The following RPIA variants were observed in gnomAD, a reference collection of about 807,000 sequenced individuals.
RPIA encodes the protein ribose 5-phosphate isomerase A, also known as ribose-5-phosphate isomerase.
In RPIA, 29 loss-of-function variants were observed where a neutral mutation model predicts 37.8. The ratio of observed to expected loss-of-function variants is 0.77; its 90% confidence interval spans 0.57 to 1.05. The LOEUF (loss-of-function observed/expected upper bound fraction) is 1.05, where lower values mean the gene tolerates loss of function less well. Ranked by LOEUF, RPIA falls within the 50% of genes least tolerant of loss-of-function variation. The probability of loss-of-function intolerance (pLI) is 0.00; values close to 1 mark genes in which losing one functional copy is unlikely to be tolerated. For synonymous variants in RPIA, 167 were observed against 157.0 expected (o/e 1.06, Z -0.48); for missense variants, 385 against 413.6 (o/e 0.93, Z 0.60).
At chr2:88,698,128 C>A (rs1358941859) in intron 1 of RPIA, among the ~76,000 whole-genome samples, 1 of 143,504 alleles carries the variant, frequency 7.0e-6, no homozygotes, top group African/African-American at 2.6e-5. Context: ...CTTGAAATGT[C>A]AGGAATCTTT....
intron 3 of RPIA, among the ~76,000 whole-genome samples, chr2:88,710,068 A>G (rs1672943517): frequency 6.6e-6 from 1 of 151,940 alleles, no homozygotes; most frequent in Non-Finnish European, 1.5e-5. Flanking sequence ...TTTTTTTGAG[A>G]CAGGGTCTTG....
intron 8 of RPIA, among the ~76,000 whole-genome samples, chr2:88,743,582 C>A (rs1673407259): frequency 6.6e-6 from 1 of 151,706 alleles, no homozygotes; most frequent in African/African-American, 2.4e-5. Context: ...CCTTTTTTTC[C>A]CATCTTTTGG....
intron 3 of RPIA, among the ~76,000 whole-genome samples, chr2:88,702,719 CTG>C (rs1672846880): frequency 6.6e-6 from 1 of 152,216 alleles, no homozygotes. Flanking sequence ...GCAGCCAGCT[CTG>C]GAGCCTGCCA....
chr2:88,746,714 G>GC (rs1258572746), intron 8 of RPIA, among the ~76,000 whole-genome samples: 1 of 152,190 alleles, frequency 6.6e-6, no homozygotes, highest in Non-Finnish European at 1.5e-5. Context: ...TTTGTTTAGT[G>GC]CACTGGTTTT....
intron 3 of RPIA, among the ~76,000 whole-genome samples, chr2:88,721,064 A>G (rs1363257398): frequency 1.3e-5 from 2 of 152,188 alleles, no homozygotes; most frequent in Non-Finnish European, 2.9e-5. Context: ...TGTCCTTTGC[A>G]GGGACATGGA....
At chr2:88,721,560 CACACACACA>C (rs1558694721) in intron 3 of RPIA, among the ~76,000 whole-genome samples, 6 of 68,442 alleles carry the variant, frequency 8.8e-5, no homozygotes, top group Admixed American at 3.4e-4. Context: ...CACACACACA[CACACACACA>C]CACCCCCCCC....
chr2:88,734,762 C>A, intron 5 of RPIA, 146 bp downstream of exon 5: 1 of 850,972 alleles, frequency 1.2e-6, no homozygotes, highest in Non-Finnish European at 1.9e-6. Flanking sequence ...TGGCCTTAGA[C>A]CCAACTCAGC....
At chr2:88,696,696 G>A (rs1486824596) in intron 1 of RPIA, among the ~76,000 whole-genome samples, 1 of 152,158 alleles carries the variant, frequency 6.6e-6, no homozygotes, top group Admixed American at 6.5e-5. Context: ...AGTCCATTTT[G>A]TGCTGCTATA....
At chr2:88,720,984 G>A (rs865812277) in intron 3 of RPIA, among the ~76,000 whole-genome samples, 1 of 152,124 alleles carries the variant, frequency 6.6e-6, no homozygotes, top group Admixed American at 6.5e-5. Context: ...ATCAATAATA[G>A]ACTGGATAAA....
chr2:88,702,674 A>G (rs1312837121), intron 3 of RPIA, among the ~76,000 whole-genome samples: 1 of 152,216 alleles, frequency 6.6e-6, no homozygotes, highest in Admixed American at 6.5e-5. Flanking sequence ...ACAATTCAAG[A>G]TGAGCTTTGG....
chr2:88,707,408 G>A (rs1672911106), intron 3 of RPIA, among the ~76,000 whole-genome samples: 1 of 151,954 alleles, frequency 6.6e-6, no homozygotes, highest in Admixed American at 6.6e-5. Context: ...GGCTAGTGCT[G>A]TTTTATCCAC....
intron 1 of RPIA, 100 bp downstream of exon 1, chr2:88,692,083 AGGGCG>A: frequency 7.0e-7 from 1 of 1,435,528 alleles, no homozygotes; most frequent in Non-Finnish European, 9.4e-7. Flanking sequence ...AGCTCCTGGC[AGGGCG>A]GGAGCTGAGT....
intron 3 of RPIA, among the ~76,000 whole-genome samples, chr2:88,707,864 TC>T (rs1672915713): frequency 6.6e-6 from 1 of 152,226 alleles, no homozygotes; most frequent in African/African-American, 2.4e-5. Context: ...GGGAAGAACT[TC>T]CTGGATATCT....
chr2:88,710,338 G>A (rs560381173), intron 3 of RPIA, among the ~76,000 whole-genome samples: 24 of 152,234 alleles, frequency 1.6e-4, no homozygotes, highest in Middle Eastern at 6.8e-3. Flanking sequence ...GAGCCACTGC[G>A]CCCAGCCAAG....
At chr2:88,726,025 G>A (rs1673192830) in intron 3 of RPIA, among the ~76,000 whole-genome samples, 1 of 152,218 alleles carries the variant, frequency 6.6e-6, no homozygotes, top group African/African-American at 2.4e-5. Flanking sequence ...TTTAAAGGGA[G>A]TACAGATGCT....
In RPIA at chr2:88,727,084, CGTGTGTGT is replaced by C. The variant is rs59619042; in HGVS notation, c.403-2188_403-2181del. The stretch of plus-strand genomic sequence containing the variant: ...TGGTTTAATATCTCTTGTGTGCGTG[CGTGTGTGT>C]GTGTGCGCGCGCATGTGTGCGCGTG... On this transcript the variant is annotated intron_variant, in intron 3 of 8. Coordinates refer to ENST00000283646, the MANE Select transcript of RPIA (RefSeq NM_144563.3). Among the ~76,000 whole-genome samples, 7 of 151,966 alleles carry C rather than the reference CGTGTGTGT, an allele frequency of 4.6e-5. No individual in the cohort carries two copies. In the East Asian group the frequency reaches 1.4e-3, roughly 29 times the overall value.
intron 1 of RPIA, among the ~76,000 whole-genome samples, chr2:88,693,852 A>G (rs1455005606): frequency 1.3e-5 from 2 of 152,236 alleles, no homozygotes; most frequent in Non-Finnish European, 2.9e-5. Flanking sequence ...TCCTTTGTAT[A>G]GCCACCTTGG....
chr2:88,705,710 A>G lies in RPIA; in HGVS notation c.402+5646A>G, dbSNP rs762303028. Among the ~76,000 whole-genome samples, 58 of 152,238 alleles carry G rather than the reference A, an allele frequency of 3.8e-4. 1 individual carries two copies. The highest frequency in any genetic ancestry group is 5.9e-4 in the Non-Finnish European group (40 of 68,044). On this transcript the variant is annotated intron_variant, in intron 3 of 8. Transcript: ENST00000283646. ...TTGCAACAAAAACCAATATTGACAA[A>G]TGGGATCTAATTAAAGAGCTTCTGC... is the stretch of plus-strand genomic sequence containing the variant.
chr2:88,734,783 A>G (rs1025588958), intron 5 of RPIA, among the ~76,000 whole-genome samples, 167 bp downstream of exon 5: 1 of 152,230 alleles, frequency 6.6e-6, no homozygotes, highest in Admixed American at 6.5e-5. Context: ...ATTTCTGGTC[A>G]TTAGCAGCAA....
Sources: gnomAD v4.1 joint callset for allele counts (sites outside exome capture counted in the v4.1 genomes callset) on GRCh38, gnomAD v4.1.1 for gene constraint, MANE v1.5 for transcripts, NCBI Gene and HGNC (gene_info 2026-07-23, HGNC 2026-07-21) for gene names.